STARD13: variants seen among roughly 807,000 people sequenced by gnomAD.
STARD13 encodes the protein StAR related lipid transfer domain containing 13.
Under a neutral mutation model 106.4 loss-of-function variants are expected in STARD13, and 62 were observed. The observed-to-expected ratio is 0.58, with a 90% CI of 0.48 to 0.72. The LOEUF (loss-of-function observed/expected upper bound fraction) is 0.72. Among genes scored for constraint, STARD13 ranks in the 30% least tolerant of loss-of-function variants. The probability of loss-of-function intolerance (pLI) is 0.00; values close to 1 mark genes in which losing one functional copy is unlikely to be tolerated. For synonymous variants in STARD13, 565 were observed against 553.0 expected (o/e 1.02, Z -0.31); for missense variants, 1,387 against 1,424.0 (o/e 0.97, Z 0.42).
chr13:33,663,696 C>T, the STARD13 span, among the ~76,000 whole-genome samples: 1 of 152,082 alleles, frequency 6.6e-6, no homozygotes, highest in African/African-American at 2.4e-5. Context: ...CTACATTGCC[C>T]AAGTGTTCTA....
At chr13:33,427,965 A>AG in the STARD13 span, among the ~76,000 whole-genome samples, 1 of 151,940 alleles carries the variant, frequency 6.6e-6, no homozygotes, top group African/African-American at 2.4e-5. Context: ...CAAAAAAAAA[A>AG]AAAAAAAATT....
intron 1 of STARD13, chr13:33,281,508 G>A (rs941192609): frequency 1.3e-5 from 2 of 151,120 alleles, no homozygotes; most frequent in African/African-American, 4.9e-5. Context: ...TAATGATGTA[G>A]AACTAATAAA....
chr13:33,228,731 C>T (rs1888748353), intron 1 of STARD13, among the ~76,000 whole-genome samples: 1 of 152,202 alleles, frequency 6.6e-6, no homozygotes, highest in African/African-American at 2.4e-5. Context: ...TTCTGCAGTT[C>T]CACTACATGT....
chr13:33,404,164 A>G, the STARD13 span, among the ~76,000 whole-genome samples: 1 of 152,240 alleles, frequency 6.6e-6, no homozygotes, highest in Non-Finnish European at 1.5e-5. Context: ...AGACGTCTTA[A>G]TGGCTCCTAG....
the STARD13 span, among the ~76,000 whole-genome samples, chr13:33,659,548 G>A: frequency 6.6e-6 from 1 of 152,184 alleles, no homozygotes; most frequent in East Asian, 1.9e-4. Flanking sequence ...AGAAGTCGGA[G>A]CAGTTGTGGG....
the STARD13 span, among the ~76,000 whole-genome samples, chr13:33,357,154 A>G: frequency 5.3e-5 from 8 of 152,242 alleles, no homozygotes; most frequent in Non-Finnish European, 8.8e-5. Flanking sequence ...GTATTCCTAG[A>G]GTGACACAGG....
the STARD13 span, among the ~76,000 whole-genome samples, chr13:33,457,170 A>G: frequency 1.5e-4 from 23 of 152,364 alleles, no homozygotes; most frequent in African/African-American, 5.5e-4. Flanking sequence ...GGAAGAAGAA[A>G]ATCCAACATA....
chr13:33,622,711 G>T, the STARD13 span, among the ~76,000 whole-genome samples: 2 of 149,110 alleles, frequency 1.3e-5, no homozygotes, highest in Non-Finnish European at 3.0e-5. Flanking sequence ...CACGAGGTCA[G>T]GAGATCGAGA....
the STARD13 span, among the ~76,000 whole-genome samples, chr13:33,385,929 G>A: frequency 7.8e-4 from 118 of 151,688 alleles, no homozygotes; most frequent in African/African-American, 2.7e-3. Context: ...AGCCTAATGT[G>A]TGAGTCAAAT....
the STARD13 span, among the ~76,000 whole-genome samples, chr13:33,646,395 G>A: frequency 3.9e-5 from 6 of 152,208 alleles, no homozygotes; most frequent in Non-Finnish European, 8.8e-5. Context: ...ATATACAGAG[G>A]TAAGTGGCGG....
intron 1 of STARD13, among the ~76,000 whole-genome samples, chr13:33,310,087 G>A (rs1424964751): frequency 6.6e-6 from 1 of 152,158 alleles, no homozygotes; most frequent in Non-Finnish European, 1.5e-5. Context: ...TGGATAGTTA[G>A]GAATACAGGG....
At chr13:33,239,558 T>A (rs55746216) in intron 1 of STARD13, among the ~76,000 whole-genome samples, 24,351 of 152,166 alleles carry the variant, frequency 0.16, 2,599 homozygotes, top group Admixed American at 0.32. Flanking sequence ...GTTGTTTGTT[T>A]GTTTGTTTTT....
At chr13:33,570,282 A>C in the STARD13 span, among the ~76,000 whole-genome samples, 4 of 147,848 alleles carry the variant, frequency 2.7e-5, no homozygotes, top group Non-Finnish European at 6.0e-5. Flanking sequence ...TGTACAAGTT[A>C]GATTATTTGG....
At chr13:33,167,191 G>A (rs1883418532) in intron 2 of STARD13, among the ~76,000 whole-genome samples, 1 of 152,086 alleles carries the variant, frequency 6.6e-6, no homozygotes, top group Non-Finnish European at 1.5e-5. Flanking sequence ...TTTTAACAGT[G>A]AGTTCATTGT....
intron 1 of STARD13, among the ~76,000 whole-genome samples, chr13:33,189,425 TCC>T (rs1886051571): frequency 3.3e-5 from 1 of 30,274 alleles, no homozygotes; most frequent in Admixed American, 2.8e-4. Flanking sequence ...TTTCCCTCCT[TCC>T]TCCTTTCGGA....
At chr13:33,665,504 C>A in the STARD13 span, among the ~76,000 whole-genome samples, 3 of 152,144 alleles carry the variant, frequency 2.0e-5, no homozygotes, top group Non-Finnish European at 4.4e-5. Flanking sequence ...TCTCGATGAG[C>A]AGTTAAATGA....
intron 1 of STARD13, among the ~76,000 whole-genome samples, chr13:33,211,520 T>C (rs950768673): frequency 3.3e-5 from 5 of 152,120 alleles, no homozygotes; most frequent in Admixed American, 2.6e-4. Flanking sequence ...CCCACAGATA[T>C]CAAAATCCAC....
upstream of STARD13, chr13:33,355,496 A>G (rs1246897360): frequency 6.6e-6 from 1 of 152,194 alleles, no homozygotes; most frequent in African/African-American, 2.4e-5. Flanking sequence ...TGTTGCTTGC[A>G]GCTTTGCTGT....
the STARD13 span, among the ~76,000 whole-genome samples, chr13:33,608,305 C>G: frequency 4.6e-5 from 7 of 152,138 alleles, 1 homozygote; most frequent in South Asian, 1.2e-3. Context: ...TCCATTCTCC[C>G]AAAATTACTT....
Sources: allele counts gnomAD v4.1 joint callset (sites outside exome capture counted in the v4.1 genomes callset), GRCh38; gene constraint gnomAD v4.1.1; transcripts MANE v1.5; gene names NCBI Gene and HGNC (gene_info 2026-07-23, HGNC 2026-07-21).